The following KDM3A variants were observed in gnomAD, a reference collection of about 807,000 sequenced individuals.
The protein encoded by KDM3A is lysine-specific demethylase 3A.
A neutral mutation model predicts 158.0 loss-of-function variants in KDM3A; 60 were observed. That is an observed-to-expected ratio of 0.38 (90% CI 0.31 to 0.47). The LOEUF (loss-of-function observed/expected upper bound fraction) is 0.47. Among genes scored for constraint, KDM3A ranks in the 20% least tolerant of loss-of-function variants. KDM3A has a pLI of 0.99. For synonymous variants in KDM3A, 608 were observed against 549.3 expected (o/e 1.11, Z -1.49); for missense variants, 1,319 against 1,574.3 (o/e 0.84, Z 2.74).
intron 23 of KDM3A, 38 bp from the exon 24 acceptor site, chr2:86,490,843 A>G (rs757995209): frequency 6.5e-7 from 1 of 1,545,836 alleles, no homozygotes. Context: ...GGGCCTTAGC[A>G]TGTTACTGAG....
At chr2:86,449,264 A>G (rs1391021897) in intron 2 of KDM3A, among the ~76,000 whole-genome samples, 1 of 152,172 alleles carries the variant, frequency 6.6e-6, no homozygotes, top group Non-Finnish European at 1.5e-5. Context: ...TCTGTGGTAA[A>G]TTTCCTAGCT....
chr2:86,451,184 C>T lies in KDM3A; in HGVS notation c.424C>T (p.Leu142Phe), dbSNP rs1672447917. 5 of 1,610,180 alleles carry T rather than the reference C, an allele frequency of 3.1e-6. No individual in the cohort carries two copies. Among genetic ancestry groups the T allele is most frequent in the Non-Finnish European group, 4.2e-6 (5 of 1,178,468 alleles). Residue 142 changes from leucine (L) to phenylalanine (F), a missense_variant, in exon 4 of 26, where the codon CTT (leucine) becomes TTT (phenylalanine). Physicochemically the swap from Leu to Phe is conservative, Grantham distance 22 (BLOSUM62 0). This residue lies in a region of KDM3A where 652 missense variants were observed against 627.2 expected (regional missense o/e 1.04). Coordinates refer to ENST00000312912, the MANE Select transcript of KDM3A (RefSeq NM_018433.6). Reference protein sequence around the residue: ...RFLGDQQRVFLSKDLLKPIQD... With the variant: ...RFLGDQQRVFFSKDLLKPIQD... Reference sequence around the variant, plus strand: ...TCTGGGAGATCAACAAAGAGTATTTCTTTCTAAAGACCTTTTGAAGCCTAT... The same window carrying T: ...TCTGGGAGATCAACAAAGAGTATTTTTTTCTAAAGACCTTTTGAAGCCTAT...
intron 10 of KDM3A, among the ~76,000 whole-genome samples, chr2:86,468,707 C>A (rs1242519291): frequency 2.0e-5 from 3 of 152,084 alleles, no homozygotes; most frequent in Non-Finnish European, 4.4e-5. Context: ...CTTTTCTGCT[C>A]CTTTCTTCCA....
At chr2:86,444,534 G>A (rs898299895) in intron 2 of KDM3A, among the ~76,000 whole-genome samples, 3 of 151,810 alleles carry the variant, frequency 2.0e-5, no homozygotes, top group African/African-American at 7.3e-5. Flanking sequence ...TGCCCAGGCT[G>A]GTCTGGAACT....
chr2:86,446,774 T>C (rs1364633522), intron 2 of KDM3A, among the ~76,000 whole-genome samples: 1 of 152,222 alleles, frequency 6.6e-6, no homozygotes. Context: ...GGGGATGTCA[T>C]TAAGTGTAAA....
At chr2:86,445,451 C>T (rs1262458480) in intron 2 of KDM3A, among the ~76,000 whole-genome samples, 1 of 152,170 alleles carries the variant, frequency 6.6e-6, no homozygotes, top group Non-Finnish European at 1.5e-5. Context: ...GGTGGGAATG[C>T]CCTGCTTCCT....
At chr2:86,486,938 G>A (rs542995747) in intron 21 of KDM3A, 1 of 152,446 alleles carries the variant, frequency 6.6e-6, no homozygotes, top group Admixed American at 6.5e-5. Context: ...AGACCCGGTG[G>A]GCACAAGGCC....
At chr2:86,477,448 ATT>A (rs913538544) in intron 12 of KDM3A, among the ~76,000 whole-genome samples, 1 of 152,156 alleles carries the variant, frequency 6.6e-6, no homozygotes, top group African/African-American at 2.4e-5. Context: ...ATCTGAGTAA[ATT>A]TTTCTTTTTT....
chr2:86,444,011 G>A (rs1218377857), intron 2 of KDM3A, among the ~76,000 whole-genome samples: 2 of 152,230 alleles, frequency 1.3e-5, no homozygotes, highest in Non-Finnish European at 2.9e-5. Context: ...TTCTTTGGCA[G>A]ATGTTGAGAG....
rs185112198 is a variant in KDM3A, at chr2:86,473,329, T to A, written c.1725-1447T>A. On this transcript the variant is annotated intron_variant, in intron 11 of 25. Coordinates refer to ENST00000312912, the MANE Select transcript of KDM3A (RefSeq NM_018433.6). ...GCTTGTGCTACCATGCCTGGCTAAT[T>A]AGAAAAATTTTTTTTTGTAGAGACA... is the stretch of plus-strand genomic sequence containing the variant. Among the ~76,000 whole-genome samples, 8 of 152,188 alleles carry A rather than the reference T, an allele frequency of 5.3e-5. No individual in the cohort carries two copies. In the East Asian group the frequency reaches 1.5e-3, roughly 29 times the overall value.
chr2:86,456,347 T>A (rs913478845), intron 5 of KDM3A, 95 bp from the exon 6 acceptor site: 135 of 941,774 alleles, frequency 1.4e-4, no homozygotes, highest in Non-Finnish European at 1.9e-4. Flanking sequence ...TGCGTTTTTT[T>A]AAAAAAGACT....
At chr2:86,449,207 A>T (rs1683064606) in intron 2 of KDM3A, among the ~76,000 whole-genome samples, 2 of 152,220 alleles carry the variant, frequency 1.3e-5, no homozygotes, top group Non-Finnish European at 2.9e-5. Flanking sequence ...TCATTTTGTT[A>T]ATCACTCGTT....
rs138895230 is a variant in KDM3A, at chr2:86,456,873, A to T, written c.750A>T (p.Thr250=). 1.5e-4 allele frequency: 242 copies of T among 1,608,064 alleles called. 3 individuals carry two copies. Among genetic ancestry groups the T allele is most frequent in the South Asian group, 1.3e-3 (122 of 90,762 alleles). ...AAGTTGTACACGATAACCTTGTGAC[A>T]TGTGGTAAGATATGTTATTAAAATC... is the stretch of plus-strand genomic sequence containing the variant. ...HVEVVHDNLV[T]CGNSARIGAV... is the part of the protein sequence containing the mutation. Residue 250 remains threonine, a synonymous_variant, in exon 7 of 26, where the codon ACA becomes ACT. Coordinates refer to ENST00000312912, the MANE Select transcript of KDM3A (RefSeq NM_018433.6).
intron 2 of KDM3A, 80 bp downstream of exon 2, chr2:86,442,313 T>C: frequency 7.3e-7 from 1 of 1,372,594 alleles, no homozygotes; most frequent in Non-Finnish European, 1.0e-6. Context: ...CTCCTTCCGT[T>C]TTCTGAAAAC....
chr2:86,441,519 C>A (rs1051583809), intron 1 of KDM3A, 75 bp downstream of exon 1: 2 of 151,144 alleles, frequency 1.3e-5, no homozygotes, highest in African/African-American at 4.9e-5. Flanking sequence ...GCCCCGTCGC[C>A]CGTTGGCAGC....
rs150234079 is a variant in KDM3A, at chr2:86,448,462, C to T, written c.187-1345C>T. 1.4e-3 allele frequency among the ~76,000 whole-genome samples: 211 copies of T among 152,290 alleles called. 3 individuals carry two copies. The highest frequency in any genetic ancestry group is 6.7e-3 in the East Asian group (35 of 5,190). On this transcript the variant is annotated intron_variant, in intron 2 of 25. Transcript: ENST00000312912. The stretch of plus-strand genomic sequence containing the variant: ...AGTTGTAAGCAAAAGCAGAGACAGA[C>T]TTTGACCTATTAGAATTTAATTGTC...
intron 10 of KDM3A, among the ~76,000 whole-genome samples, chr2:86,467,565 A>G (rs1235158726): frequency 1.3e-5 from 2 of 152,218 alleles, no homozygotes; most frequent in African/African-American, 2.4e-5. Context: ...TGCTACTTAT[A>G]TGAAGTTTGA....
intron 20 of KDM3A, 60 bp downstream of exon 20, chr2:86,485,089 T>C (rs111281709): frequency 1.1e-5 from 11 of 979,896 alleles, no homozygotes; most frequent in African/African-American, 3.3e-5. Context: ...ATAAATTCTT[T>C]TTTGAGGTAG....
chr2:86,477,304 C>T (rs1159677805), intron 12 of KDM3A, among the ~76,000 whole-genome samples: 1 of 152,202 alleles, frequency 6.6e-6, no homozygotes, highest in Non-Finnish European at 1.5e-5. Flanking sequence ...GATCTTGGAC[C>T]ATTGTGCCTG....
Sources: gnomAD v4.1 joint callset for allele counts (sites outside exome capture counted in the v4.1 genomes callset) on GRCh38, gnomAD v4.1.1 for gene constraint, gnomAD v4.1.1 regional missense constraint, MANE v1.5 for transcripts, NCBI Gene and HGNC (gene_info 2026-07-23, HGNC 2026-07-21) for gene names.